Variants in NAV2 observed in about 807,000 individuals in gnomAD.
NAV2 encodes neuron navigator 2, also known as helicase, APC down-regulated 1.
In NAV2, 54 loss-of-function variants were observed where a neutral mutation model predicts 223.2. That is an observed-to-expected ratio of 0.24 (90% CI 0.19 to 0.30). The LOEUF (loss-of-function observed/expected upper bound fraction) is 0.30, where lower values mean the gene tolerates loss of function less well. Ranked by LOEUF, NAV2 falls within the 10% of genes least tolerant of loss-of-function variation. The pLI is 1.00. For missense variants in NAV2, 2,806 were observed against 3,147.5 expected (o/e 0.89, Z 2.60); for synonymous variants, 1,279 against 1,239.3 (o/e 1.03, Z -0.67).
At chr11:19,346,269 G>C (rs1020173579), upstream of NAV2, among the ~76,000 whole-genome samples, 1 of 152,184 alleles carries the variant, frequency 6.6e-6, no homozygotes, top group Non-Finnish European at 1.5e-5. Context: ...AGTATCTGCT[G>C]TGCTTGTGTC....
rs76168560 is a variant in NAV2, at chr11:19,419,845, C to T, written c.75+68818C>T. On this transcript the variant is annotated intron_variant, in intron 1 of 37. Transcript: ENST00000360655. ...CAGAAGAAGGTAGGCCTGAAGTTTG[C>T]GTCGGGTACATACTTGGAAAGTTAT... Among the ~76,000 whole-genome samples the T allele has an allele frequency of 5.9e-5, 9 of 152,284 alleles. No homozygotes were observed. In the East Asian group the frequency reaches 9.6e-4, roughly 16 times the overall value.
At chr11:19,345,292 C>T in the NAV2 span, among the ~76,000 whole-genome samples, 1 of 152,224 alleles carries the variant, frequency 6.6e-6, no homozygotes, top group African/African-American at 2.4e-5. The surrounding 1 kb of genome is among the most constrained non-coding windows in gnomAD (Gnocchi z 5.2). Context: ...GGCGGCTCCG[C>T]GAAGCCGGTG....
chr11:19,421,208 C>T (rs971533230), intron 1 of NAV2, among the ~76,000 whole-genome samples: 16 of 152,226 alleles, frequency 1.1e-4, no homozygotes, highest in African/African-American at 3.6e-4. Flanking sequence ...AAATGGAAGC[C>T]ATGCTTCCCT....
chr11:19,585,302 C>T (rs2045858974), intron 1 of NAV2, among the ~76,000 whole-genome samples: 2 of 152,184 alleles, frequency 1.3e-5, no homozygotes. Context: ...TTCCTGAATA[C>T]AGCACACTGA....
intron 24 of NAV2, among the ~76,000 whole-genome samples, chr11:20,079,829 C>T (rs555331268): frequency 1.8e-4 from 28 of 152,286 alleles, no homozygotes; most frequent in African/African-American, 6.3e-4. Context: ...CTACACCTCC[C>T]TTGACTTCTG....
rs534868581 is a variant in NAV2 at position 19,588,320 on chromosome 11, A to T, written c.75+237293A>T. Among the ~76,000 whole-genome samples, 6 of 152,344 alleles carry T rather than the reference A, an allele frequency of 3.9e-5. No individual in the cohort carries two copies. In the East Asian group the frequency reaches 1.2e-3, roughly 29 times the overall value. ...AAATTATATAAATTTGGGAGTATCC[A>T]AAACAATCTGGTGTATGGATATTTT... On this transcript the variant is annotated intron_variant, in intron 1 of 37. Transcript: ENST00000360655.
intron 11 of NAV2, among the ~76,000 whole-genome samples, chr11:19,984,880 T>C (rs1254929809): frequency 6.6e-6 from 1 of 152,232 alleles, no homozygotes; most frequent in Non-Finnish European, 1.5e-5. Flanking sequence ...ACTGATTCTA[T>C]GACCCTGAGC....
Position 19,716,427 on chromosome 11 carries a change from G to A in NAV2, c.267+2465G>A, listed in dbSNP as rs78674338. On this transcript the variant is annotated intron_variant, in intron 1 of 37. Transcript: ENST00000349880. ...AGCATTAAGAAAAATAACGTAAAGT[G>A]TTCAGTGCAGTGTCTGGCAAATAAG... 3.2e-3 allele frequency among the ~76,000 whole-genome samples: 486 copies of A among 152,322 alleles called. 16 individuals carry two copies. In the East Asian group the frequency reaches 0.057, roughly 18 times the overall value.
intron 28 of NAV2, among the ~76,000 whole-genome samples, chr11:20,092,683 T>C (rs759803155): frequency 3.9e-5 from 6 of 152,144 alleles, no homozygotes; most frequent in Admixed American, 6.5e-5. Flanking sequence ...ACAAACCCCA[T>C]AGTAGCAGGT....
At chr11:19,874,594 A>G (rs1257669054) in intron 4 of NAV2, among the ~76,000 whole-genome samples, 2 of 152,232 alleles carry the variant, frequency 1.3e-5, no homozygotes, top group Non-Finnish European at 2.9e-5. Context: ...CATGGAACAC[A>G]GACAAATACC....
At chr11:19,573,327 T>C (rs2045476021) in intron 1 of NAV2, among the ~76,000 whole-genome samples, 1 of 152,176 alleles carries the variant, frequency 6.6e-6, no homozygotes, top group South Asian at 2.1e-4. Context: ...TTGTCTGACA[T>C]ACTATCATAT....
At chr11:19,868,351 G>T (rs2062229453) in intron 3 of NAV2, among the ~76,000 whole-genome samples, 1 of 152,164 alleles carries the variant, frequency 6.6e-6, no homozygotes, top group African/African-American at 2.4e-5. Context: ...GTCAGCCCTG[G>T]CAAACCTGGC....
rs1201740345 is a variant in NAV2 at position 20,024,047 on chromosome 11, C to T, written c.2769-11912C>T. On this transcript the variant is annotated intron_variant, in intron 11 of 37. Transcript: ENST00000349880. ...CAAAGCTGGGATTGGAACCCAGGTTCACTCTACCACCATGCCTTCCTGGGT... is the reference window on the plus strand; with the variant it reads ...CAAAGCTGGGATTGGAACCCAGGTTTACTCTACCACCATGCCTTCCTGGGT... 4.6e-5 allele frequency among the ~76,000 whole-genome samples: 7 copies of T among 152,288 alleles called. 1 individual carries two copies. The East Asian group carries it at 1.4e-3, about 29-fold the overall frequency.
rs2057333842 is a variant in NAV2 at position 20,045,425 on chromosome 11, C to T, written c.3657C>T (p.Ser1219=). The change falls in exon 14 of 38, where the codon AGC becomes AGT. Residue 1219 remains serine (S), a synonymous_variant. Coordinates refer to ENST00000349880, the MANE Select transcript of NAV2 (RefSeq NM_145117.5). ...CCAGCAGCATAGATTCCAACATTAG[C>T]AGCAAGTCCGCAGGCCTGCCAGTGC... is the stretch of plus-strand genomic sequence containing the variant. ...SSTSSIDSNI[S]SKSAGLPVPK... 1 of 1,614,194 alleles carries T rather than the reference C, an allele frequency of 6.2e-7. No homozygotes were observed.
intron 1 of NAV2, chr11:19,385,018 CAA>C (rs1848982408): frequency 6.6e-6 from 1 of 152,090 alleles, no homozygotes; most frequent in Non-Finnish European, 1.5e-5. Flanking sequence ...AAAAAAATGG[CAA>C]AAGACTTGAA....
intron 1 of NAV2, among the ~76,000 whole-genome samples, chr11:19,364,856 A>G (rs1372302561): frequency 6.6e-6 from 1 of 152,228 alleles, no homozygotes; most frequent in African/African-American, 2.4e-5. Flanking sequence ...GAACTTTACA[A>G]AAAACTGTCA....
At chr11:19,937,796 A>C (rs528490609) in intron 7 of NAV2, among the ~76,000 whole-genome samples, 1 of 152,318 alleles carries the variant, frequency 6.6e-6, no homozygotes, top group South Asian at 2.1e-4. Flanking sequence ...AACTTGAACT[A>C]ACCTTTGCCT....
upstream of NAV2, among the ~76,000 whole-genome samples, chr11:19,709,986 C>T (rs1357208794): frequency 6.6e-6 from 1 of 152,108 alleles, no homozygotes; most frequent in Non-Finnish European, 1.5e-5. Flanking sequence ...AAGGGAAATG[C>T]TCATGTTTAC....
chr11:19,530,774 C>T (rs1034276781), intron 1 of NAV2, among the ~76,000 whole-genome samples: 1 of 152,242 alleles, frequency 6.6e-6, no homozygotes, highest in Non-Finnish European at 1.5e-5. Context: ...ACTGTATGCA[C>T]ATTAACTCAA....
Sources: gnomAD v4.1 joint callset for allele counts (sites outside exome capture counted in the v4.1 genomes callset) on GRCh38, gnomAD v4.1.1 for gene constraint, Gnocchi (gnomAD v3.1) non-coding constraint, MANE v1.5 for transcripts, NCBI Gene and HGNC (gene_info 2026-07-23, HGNC 2026-07-21) for gene names.